Variants in NT5DC3 observed in about 807,000 individuals in gnomAD.
NT5DC3 encodes the protein 5'-nucleotidase domain-containing protein 3.
Under a neutral mutation model 67.8 loss-of-function variants are expected in NT5DC3, and 42 were observed. The observed-to-expected ratio is 0.62, with a 90% CI of 0.48 to 0.80. The LOEUF is 0.80. Among genes scored for constraint, NT5DC3 ranks in the 30% least tolerant of loss-of-function variants. The probability of loss-of-function intolerance (pLI) is 0.00; values close to 1 mark genes in which losing one functional copy is unlikely to be tolerated. For synonymous variants in NT5DC3, 237 were observed against 255.6 expected (o/e 0.93, Z 0.69); for missense variants, 570 against 696.4 (o/e 0.82, Z 2.04).
At chr12:103,789,034 C>T (rs1337285854) in intron 9 of NT5DC3, 115 bp from the exon 10 acceptor site, 4 of 728,758 alleles carry the variant, frequency 5.5e-6, no homozygotes, top group Non-Finnish European at 9.7e-6. Context: ...CTAAAAAAAA[C>T]CCGAAACCAA....
chr12:103,763,782 C>T, the NT5DC3 span: 1 of 586,290 alleles, frequency 1.7e-6, no homozygotes, highest in East Asian at 2.9e-5. Context: ...TGTGGTTGCT[C>T]AGAGTTCCTG....
At position 103,841,202 on chromosome 12, in the gene NT5DC3, G is replaced by A. The variant is rs192968410; in HGVS notation, c.-46C>T. The A allele has an allele frequency of 3.5e-6, 2 of 568,752 alleles. No individual in the cohort carries two copies. The highest frequency in any genetic ancestry group is 4.0e-5 in the South Asian group (2 of 50,098). The allele number at this position is 568,752 out of a possible 1,614,324, so 35.2% of individuals were successfully genotyped here. On this transcript the variant is annotated 5_prime_UTR_variant, in exon 1 of 14. Transcript: ENST00000392876. Reference sequence around the variant, plus strand: ...ACCGCCGCCGCGCCGCTCTGCGACTGCTGCTGCCCGGCCCAAGATCTACCC... The same window carrying A: ...ACCGCCGCCGCGCCGCTCTGCGACTACTGCTGCCCGGCCCAAGATCTACCC...
At chr12:103,806,165 TG>T (rs770688434) in intron 4 of NT5DC3, among the ~76,000 whole-genome samples, 156 bp downstream of exon 4, 1 of 152,318 alleles carries the variant, frequency 6.6e-6, no homozygotes, top group East Asian at 1.9e-4. Context: ...GCACCTGGCA[TG>T]GTAGCAGGCC....
chr12:103,837,672 A>G (rs543331038), intron 1 of NT5DC3, among the ~76,000 whole-genome samples: 88 of 152,378 alleles, frequency 5.8e-4, no homozygotes, highest in Middle Eastern at 3.4e-3. Context: ...AAACATAACA[A>G]AAGTTACCTT....
intron 5 of NT5DC3, among the ~76,000 whole-genome samples, chr12:103,797,973 T>C (rs907694066): frequency 6.6e-6 from 1 of 152,206 alleles, no homozygotes; most frequent in African/African-American, 2.4e-5. Flanking sequence ...CTCATATAAT[T>C]TATTGAATAC....
At chr12:103,817,453 G>A (rs1887311181) in intron 1 of NT5DC3, among the ~76,000 whole-genome samples, 1 of 151,966 alleles carries the variant, frequency 6.6e-6, no homozygotes, top group Admixed American at 6.6e-5. Context: ...GTGACTTTTT[G>A]GAGATAGGTA....
At chr12:103,769,632 C>T (rs1885137710), downstream of NT5DC3, among the ~76,000 whole-genome samples, 1 of 152,188 alleles carries the variant, frequency 6.6e-6, no homozygotes, top group South Asian at 2.1e-4. Context: ...AGCTGGTGGA[C>T]CCAGGATGCA....
the NT5DC3 span, chr12:103,748,898 C>T: frequency 1.3e-6 from 2 of 1,546,262 alleles, no homozygotes; most frequent in Non-Finnish European, 1.8e-6. Context: ...TGCCCCATAC[C>T]CTGACCTGAA....
At chr12:103,791,702 A>C (rs570747954) in intron 9 of NT5DC3, among the ~76,000 whole-genome samples, 1 of 152,326 alleles carries the variant, frequency 6.6e-6, no homozygotes, top group Non-Finnish European at 1.5e-5. Context: ...ACCGGGCCGC[A>C]CAGCAGGAGG....
At chr12:103,762,261 T>A in the NT5DC3 span, 1 of 1,612,866 alleles carries the variant, frequency 6.2e-7, no homozygotes, top group Non-Finnish European at 8.5e-7. Context: ...CCCTTTCCTT[T>A]CTTTGTGTTC....
At chr12:103,812,479 AAT>A (rs1380475093) in intron 2 of NT5DC3, among the ~76,000 whole-genome samples, 1 of 152,022 alleles carries the variant, frequency 6.6e-6, no homozygotes, top group African/African-American at 2.4e-5. Flanking sequence ...CTTTTCAAAT[AAT>A]AGTGATTGCA....
the NT5DC3 span, among the ~76,000 whole-genome samples, chr12:103,760,355 G>A: frequency 2.0e-5 from 3 of 151,984 alleles, no homozygotes; most frequent in South Asian, 2.1e-4. Context: ...CCCCCTCCTG[G>A]ATTCAAGCGA....
intron 9 of NT5DC3, among the ~76,000 whole-genome samples, chr12:103,790,550 T>C (rs909186673): frequency 6.6e-6 from 1 of 151,874 alleles, no homozygotes; most frequent in Non-Finnish European, 1.5e-5. Flanking sequence ...TGTGACCAAC[T>C]AATTTTTTAA....
rs1177929086 is a variant in NT5DC3 at position 103,774,263 on chromosome 12, T to C, written c.*3566A>G. 1 of 152,264 alleles carries C rather than the reference T, an allele frequency of 6.6e-6. No individual in the cohort carries two copies. Among genetic ancestry groups the C allele is most frequent in the African/African-American group, 2.4e-5 (1 of 41,462 alleles). The allele number at this position is 152,264 out of a possible 1,614,324, so 9.4% of individuals were successfully genotyped here. ...TAATTTTTAAATGTTCAAGCTATTT[T>C]TGTTTGCTTTACAACACAATTTTTT... On this transcript the variant is annotated 3_prime_UTR_variant, in exon 14 of 14. Transcript: ENST00000392876.
At chr12:103,801,861 C>G (rs998311515) in intron 4 of NT5DC3, among the ~76,000 whole-genome samples, 1 of 152,204 alleles carries the variant, frequency 6.6e-6, no homozygotes, top group Non-Finnish European at 1.5e-5. Context: ...CCCAGCAGCA[C>G]CACCCTATAT....
chr12:103,764,427 T>C, the NT5DC3 span, among the ~76,000 whole-genome samples: 5 of 152,168 alleles, frequency 3.3e-5, no homozygotes, highest in Non-Finnish European at 7.3e-5. Flanking sequence ...ATCTCTAGAG[T>C]CAGTGATGCT....
At chr12:103,829,740 T>G (rs1566129692) in intron 1 of NT5DC3, among the ~76,000 whole-genome samples, 1 of 152,234 alleles carries the variant, frequency 6.6e-6, no homozygotes, top group Non-Finnish European at 1.5e-5. Flanking sequence ...TTGTTTAGAT[T>G]TATTCACATC....
chr12:103,798,264 T>C (rs530921847), intron 5 of NT5DC3, among the ~76,000 whole-genome samples: 87 of 152,276 alleles, frequency 5.7e-4, no homozygotes, highest in African/African-American at 2.1e-3. Context: ...CAGCCATTCG[T>C]CAGGGGAAGC....
At chr12:103,811,356 A>C (rs758845404) in intron 2 of NT5DC3, among the ~76,000 whole-genome samples, 1 of 152,134 alleles carries the variant, frequency 6.6e-6, no homozygotes, top group South Asian at 2.1e-4. Context: ...CAGAAGTAGG[A>C]AAGGGTTTGG....
Sources: gnomAD v4.1 joint callset for allele counts (sites outside exome capture counted in the v4.1 genomes callset) on GRCh38, gnomAD v4.1.1 for gene constraint, MANE v1.5 for transcripts, NCBI Gene and HGNC (gene_info 2026-07-23, HGNC 2026-07-21) for gene names.